The following CDK19 variants were observed in gnomAD, a reference collection of about 807,000 sequenced individuals.
CDK19 encodes the protein cyclin dependent kinase 19.
Under a neutral mutation model 68.3 loss-of-function variants are expected in CDK19, and 20 were observed. The ratio of observed to expected loss-of-function variants is 0.29; its 90% confidence interval spans 0.21 to 0.43. CDK19 has a LOEUF of 0.43. CDK19 is among the 20% of genes least tolerant of loss of function. The pLI is 1.00. For missense variants in CDK19, 339 were observed against 623.5 expected, an observed-to-expected ratio of 0.54 and a Z score of 4.86; for synonymous variants, 221 against 222.8, an observed-to-expected ratio of 0.99 and a Z score of 0.07.
intron 1 of CDK19, among the ~76,000 whole-genome samples, chr6:110,762,422 T>C (rs1233516930): frequency 6.6e-6 from 1 of 152,214 alleles, no homozygotes; most frequent in Non-Finnish European, 1.5e-5. Flanking sequence ...GTAGCATTCA[T>C]CATATACCAC....
intron 1 of CDK19, among the ~76,000 whole-genome samples, chr6:110,774,976 G>A (rs1303242467): frequency 1.3e-5 from 2 of 151,908 alleles, no homozygotes; most frequent in Admixed American, 6.6e-5. Flanking sequence ...GGCTGGGTGC[G>A]GTGGCTCACA....
intron 2 of CDK19, among the ~76,000 whole-genome samples, chr6:110,676,699 A>AT (rs1335850687): frequency 1.3e-5 from 2 of 152,182 alleles, no homozygotes; most frequent in Non-Finnish European, 2.9e-5. Context: ...GCAATAATGT[A>AT]TTTTTTAATT....
At chr6:110,697,016 G>A (rs1297502180) in intron 2 of CDK19, among the ~76,000 whole-genome samples, 3 of 150,486 alleles carry the variant, frequency 2.0e-5, no homozygotes, top group Admixed American at 1.3e-4. Context: ...CTGAGATCAC[G>A]CCATTGCACT....
intron 1 of CDK19, among the ~76,000 whole-genome samples, chr6:110,808,282 G>C (rs1782821283): frequency 6.6e-6 from 1 of 152,164 alleles, no homozygotes; most frequent in Admixed American, 6.5e-5. Context: ...ATATTGGACA[G>C]CACAGATGCT....
intron 2 of CDK19, chr6:110,700,468 GTGC>G (rs1773897375): frequency 6.6e-6 from 1 of 152,048 alleles, no homozygotes; most frequent in Non-Finnish European, 1.5e-5. Flanking sequence ...GTGGTCACAG[GTGC>G]TGGAGAGCTC....
chr6:110,689,470 C>A (rs1382829222), intron 2 of CDK19, among the ~76,000 whole-genome samples: 1 of 152,222 alleles, frequency 6.6e-6, no homozygotes, highest in Admixed American at 6.5e-5. Flanking sequence ...GCAAGCGTCA[C>A]TTCCTGGCTA....
chr6:110,711,354 G>C (rs1326641555), intron 2 of CDK19, among the ~76,000 whole-genome samples: 1 of 152,136 alleles, frequency 6.6e-6, no homozygotes, highest in Non-Finnish European at 1.5e-5. Context: ...AGCTTGGCTT[G>C]ACAATATCCT....
At chr6:110,767,291 C>G (rs1779663359) in intron 1 of CDK19, among the ~76,000 whole-genome samples, 1 of 151,718 alleles carries the variant, frequency 6.6e-6, no homozygotes, top group Admixed American at 6.6e-5. Flanking sequence ...GGAATAAGTT[C>G]TGGTGTTCCA....
intron 2 of CDK19, 28 bp from the exon 3 acceptor site, chr6:110,670,569 C>T (rs765020738): frequency 7.6e-6 from 10 of 1,311,666 alleles, no homozygotes; most frequent in Non-Finnish European, 9.9e-6. Context: ...AGAGGGGTCA[C>T]TGTTGTGTTA....
chr6:110,808,312 C>A (rs924435680), intron 1 of CDK19, among the ~76,000 whole-genome samples: 1 of 151,918 alleles, frequency 6.6e-6, no homozygotes, highest in Admixed American at 6.6e-5. Context: ...CAGATCACTG[C>A]AGAAAGTTCT....
intron 1 of CDK19, among the ~76,000 whole-genome samples, chr6:110,791,126 G>A (rs987726884): frequency 4.6e-5 from 7 of 150,834 alleles, no homozygotes; most frequent in African/African-American, 1.7e-4. Context: ...AGCCAAGATC[G>A]CACCACTGCA....
At chr6:110,633,310 C>T (rs1342047363) in intron 5 of CDK19, among the ~76,000 whole-genome samples, 1 of 152,200 alleles carries the variant, frequency 6.6e-6, no homozygotes, top group East Asian at 1.9e-4. Context: ...GTGTGTGCTG[C>T]AGCCAGATCC....
intron 2 of CDK19, among the ~76,000 whole-genome samples, chr6:110,699,487 G>C (rs996488092): frequency 1.3e-5 from 2 of 151,424 alleles, no homozygotes; most frequent in Non-Finnish European, 2.9e-5. Context: ...AATAACTCAG[G>C]AATGGCAAAC....
chr6:110,731,286 C>T (rs1311123303), intron 2 of CDK19, among the ~76,000 whole-genome samples: 1 of 152,176 alleles, frequency 6.6e-6, no homozygotes, highest in Non-Finnish European at 1.5e-5. Context: ...TATAGAATGA[C>T]TCAAGGAAAA....
intron 2 of CDK19, among the ~76,000 whole-genome samples, chr6:110,743,314 T>C (rs1033230223): frequency 2.0e-5 from 3 of 152,144 alleles, no homozygotes; most frequent in Admixed American, 2.0e-4. Flanking sequence ...CTGCACACTT[T>C]CTAAAGTTCT....
At chr6:110,808,981 T>C (rs1005360320) in intron 1 of CDK19, among the ~76,000 whole-genome samples, 6 of 145,390 alleles carry the variant, frequency 4.1e-5, no homozygotes, top group African/African-American at 1.5e-4. Context: ...CCGAGGCAAG[T>C]GGATCATGAG....
rs573167685 is a variant in CDK19, at chr6:110,646,756, C to T, written c.457-8050G>A. On this transcript the variant is annotated intron_variant, in intron 4 of 12. Transcript: ENST00000368911. ...CTCGGCTGCCTCCCCTGTTCCACTG[C>T]GCACGGTTGAGTTCTGGCGTCTGAC... Among the ~76,000 whole-genome samples, 207 of 152,150 alleles carry T rather than the reference C, an allele frequency of 1.4e-3. 2 individuals carry two copies. The highest frequency in any genetic ancestry group is 1.7e-3 in the Non-Finnish European group (119 of 68,014).
intron 8 of CDK19, among the ~76,000 whole-genome samples, chr6:110,623,990 G>T (rs1251334388): frequency 6.7e-6 from 1 of 150,076 alleles, no homozygotes; most frequent in Non-Finnish European, 1.5e-5. Context: ...TGAAAAATGG[G>T]TACATTTTTA....
intron 2 of CDK19, among the ~76,000 whole-genome samples, chr6:110,695,851 TA>T (rs566027913): frequency 2.0e-5 from 3 of 146,984 alleles, no homozygotes; most frequent in Non-Finnish European, 3.0e-5. Flanking sequence ...AAATAGTAAT[TA>T]AAAAAAAAAC....
Sources: gnomAD v4.1 joint callset for allele counts (sites outside exome capture counted in the v4.1 genomes callset) on GRCh38, gnomAD v4.1.1 for gene constraint, MANE v1.5 for transcripts, NCBI Gene and HGNC (gene_info 2026-07-23, HGNC 2026-07-21) for gene names.